The following AUH variants were observed in gnomAD, a reference collection of about 807,000 sequenced individuals.
The protein encoded by AUH is AU RNA binding methylglutaconyl-CoA hydratase, also known as methylglutaconyl-CoA hydratase, mitochondrial.
A neutral mutation model predicts 42.3 loss-of-function variants in AUH; 29 were observed. That is an observed-to-expected ratio of 0.69 (90% CI 0.51 to 0.93). The LOEUF (loss-of-function observed/expected upper bound fraction) is 0.93. AUH is among the 40% of genes least tolerant of loss of function. The probability of loss-of-function intolerance (pLI) is 0.00; values close to 1 mark genes in which losing one functional copy is unlikely to be tolerated. For synonymous variants in AUH, 174 were observed against 166.4 expected, an observed-to-expected ratio of 1.05 and a Z score of -0.35; for missense variants, 452 against 438.1, an observed-to-expected ratio of 1.03 and a Z score of -0.28.
chr9:91,218,552 C>A (rs536516316), intron 7 of AUH: 2 of 922,160 alleles, frequency 2.2e-6, no homozygotes, highest in Non-Finnish European at 2.6e-6. Context: ...GTCTAACAAG[C>A]TGCCAGGAGA....
intron 6 of AUH, among the ~76,000 whole-genome samples, chr9:91,235,977 AC>A (rs1032038114): frequency 3.3e-5 from 5 of 152,070 alleles, no homozygotes; most frequent in Non-Finnish European, 7.4e-5. Context: ...AAGACGCCTT[AC>A]TCTGTGACTG....
chr9:91,297,334 C>T (rs1342844132), intron 5 of AUH, among the ~76,000 whole-genome samples: 1 of 152,166 alleles, frequency 6.6e-6, no homozygotes, highest in Non-Finnish European at 1.5e-5. Flanking sequence ...ACACAGTAAG[C>T]AGTGGGCACT....
At chr9:91,279,961 T>C (rs1267997372) in intron 6 of AUH, among the ~76,000 whole-genome samples, 2 of 152,220 alleles carry the variant, frequency 1.3e-5, no homozygotes, top group Non-Finnish European at 2.9e-5. Flanking sequence ...AGAGTTCTTG[T>C]TATCATTAGA....
intron 6 of AUH, among the ~76,000 whole-genome samples, chr9:91,249,573 C>T (rs1247790173): frequency 6.6e-6 from 1 of 152,090 alleles, no homozygotes; most frequent in Non-Finnish European, 1.5e-5. Context: ...TCAAAGCATA[C>T]TTAATACTCA....
chr9:91,249,528 A>T (rs1485686758), intron 6 of AUH, among the ~76,000 whole-genome samples: 1 of 151,962 alleles, frequency 6.6e-6, no homozygotes, highest in Non-Finnish European at 1.5e-5. Flanking sequence ...TTTTTTGGTA[A>T]CACCGACATA....
intron 4 of AUH, among the ~76,000 whole-genome samples, chr9:91,313,555 A>C (rs1828878017): frequency 1.3e-5 from 2 of 148,206 alleles, no homozygotes; most frequent in South Asian, 2.2e-4. Context: ...AATACAAAAA[A>C]TTAGCCGGGC....
intron 6 of AUH, among the ~76,000 whole-genome samples, chr9:91,228,823 T>C (rs1283894496): frequency 6.6e-6 from 1 of 152,234 alleles, no homozygotes; most frequent in South Asian, 2.1e-4. Flanking sequence ...CCAGTAGTCA[T>C]TTAGGAGCAG....
intron 6 of AUH, among the ~76,000 whole-genome samples, chr9:91,244,059 T>G (rs192122245): frequency 2.0e-5 from 3 of 152,316 alleles, no homozygotes; most frequent in Non-Finnish European, 2.9e-5. Context: ...TTCAAAACTC[T>G]AAGACATATC....
intron 6 of AUH, 97 bp downstream of exon 6, chr9:91,295,924 C>T (rs140243764): frequency 6.5e-4 from 887 of 1,364,638 alleles, no homozygotes; most frequent in Middle Eastern, 2.1e-3. Flanking sequence ...TGTCTCTTTA[C>T]GCAAAATGTT....
At chr9:91,351,937 T>G (rs1448761808) in intron 3 of AUH, among the ~76,000 whole-genome samples, 1 of 152,126 alleles carries the variant, frequency 6.6e-6, no homozygotes, top group African/African-American at 2.4e-5. Context: ...TGCTAAGTAT[T>G]TATATGTACC....
intron 7 of AUH, among the ~76,000 whole-genome samples, chr9:91,219,217 C>G (rs1468418776): frequency 6.6e-6 from 1 of 152,202 alleles, no homozygotes; most frequent in Non-Finnish European, 1.5e-5. Context: ...AAGTCAGGCC[C>G]TAAGGGGCTA....
chr9:91,356,244 A>C (rs1475338368), intron 1 of AUH, 89 bp from the exon 2 acceptor site: 10 of 1,042,954 alleles, frequency 9.6e-6, no homozygotes, highest in Middle Eastern at 4.7e-4. Context: ...CTAGCTTCGA[A>C]CTTAACAAAT....
intron 4 of AUH, among the ~76,000 whole-genome samples, chr9:91,314,953 T>C (rs558446272): frequency 5.3e-5 from 8 of 152,348 alleles, no homozygotes; most frequent in African/African-American, 1.9e-4. Flanking sequence ...AGACGGAGTC[T>C]CACTCTGTCA....
intron 6 of AUH, among the ~76,000 whole-genome samples, chr9:91,267,026 T>C (rs1830012552): frequency 6.6e-6 from 1 of 152,198 alleles, no homozygotes; most frequent in Non-Finnish European, 1.5e-5. Flanking sequence ...TCTCCAGTAC[T>C]ATAATCCAGG....
At chr9:91,328,807 C>CT (rs1200193518) in intron 3 of AUH, among the ~76,000 whole-genome samples, 2 of 152,192 alleles carry the variant, frequency 1.3e-5, no homozygotes, top group Admixed American at 1.3e-4. Context: ...AGTTCAGCCA[C>CT]TTTAAGTATA....
intron 4 of AUH, among the ~76,000 whole-genome samples, chr9:91,303,862 C>T (rs1828009164): frequency 1.3e-5 from 2 of 152,126 alleles, no homozygotes; most frequent in Admixed American, 6.5e-5. Context: ...TCTCCCATTC[C>T]CATCACTGAG....
intron 6 of AUH, among the ~76,000 whole-genome samples, chr9:91,225,610 A>G (rs1827403205): frequency 6.6e-6 from 1 of 151,816 alleles, no homozygotes; most frequent in African/African-American, 2.4e-5. Context: ...GGTTAGTTAC[A>G]TATGTATGTA....
At chr9:91,294,335 G>A (rs1449328042) in intron 6 of AUH, among the ~76,000 whole-genome samples, 1 of 152,188 alleles carries the variant, frequency 6.6e-6, no homozygotes, top group East Asian at 1.9e-4. Context: ...AGATCATGAG[G>A]TCAAGAGATC....
intron 4 of AUH, among the ~76,000 whole-genome samples, chr9:91,309,279 T>C (rs1440293645): frequency 1.3e-5 from 2 of 151,806 alleles, no homozygotes; most frequent in Non-Finnish European, 2.9e-5. Context: ...CACTGGGGAT[T>C]ACAATTCAAC....
Sources: gnomAD v4.1 joint callset for allele counts (sites outside exome capture counted in the v4.1 genomes callset) on GRCh38, gnomAD v4.1.1 for gene constraint, MANE v1.5 for transcripts, NCBI Gene and HGNC (gene_info 2026-07-23, HGNC 2026-07-21) for gene names.